The following MACROD2 variants were observed in gnomAD, a reference collection of about 807,000 sequenced individuals.
MACROD2 encodes mono-ADP ribosylhydrolase 2.
Under a neutral mutation model 70.4 loss-of-function variants are expected in MACROD2, and 36 were observed. The observed-to-expected ratio is 0.51, with a 90% CI of 0.39 to 0.68. The LOEUF is 0.68. MACROD2 is among the 30% of genes least tolerant of loss of function. The pLI, the probability that MACROD2 is intolerant of heterozygous loss-of-function variation, is 0.00. For synonymous variants in MACROD2, 172 were observed against 178.8 expected (o/e 0.96, Z 0.30); for missense variants, 496 against 538.4 (o/e 0.92, Z 0.78).
intron 6 of MACROD2, among the ~76,000 whole-genome samples, chr20:15,289,776 A>G (rs2077525334): frequency 6.6e-6 from 1 of 152,224 alleles, no homozygotes; most frequent in African/African-American, 2.4e-5. Context: ...CCCCAGCCTC[A>G]GAGGACTTTC....
intron 5 of MACROD2, chr20:14,894,025 A>G (rs1361425670): frequency 6.6e-6 from 1 of 151,866 alleles, no homozygotes; most frequent in Admixed American, 6.6e-5. Flanking sequence ...AGCTCAAGCA[A>G]TCCTCTTGCC....
chr20:15,233,981 ATT>A lies in MACROD2; in HGVS notation c.540+3922_540+3923del, dbSNP rs547497740. ...AAAAAATTTATTTTTATATATATTT[ATT>A]TATATATATATATATATATATATAT... is the stretch of plus-strand genomic sequence containing the variant. On this transcript the variant is annotated intron_variant, in intron 6 of 17. Coordinates refer to ENST00000684519, the MANE Select transcript of MACROD2 (RefSeq NM_001351661.2). 7.8e-3 allele frequency among the ~76,000 whole-genome samples: 240 copies of A among 30,900 alleles called. 13 individuals carry two copies. Among genetic ancestry groups the A allele is most frequent in the African/African-American group, 0.024 (182 of 7,470 alleles). The allele number at this position is 30,900 out of a possible 152,430, so 20.3% of individuals were successfully genotyped here.
intron 5 of MACROD2, among the ~76,000 whole-genome samples, chr20:15,186,588 T>C (rs1351649468): frequency 6.6e-6 from 1 of 152,194 alleles, no homozygotes; most frequent in African/African-American, 2.4e-5. Context: ...CAATAGTATA[T>C]GTATGAATGC....
intron 12 of MACROD2, among the ~76,000 whole-genome samples, chr20:15,960,200 G>A (rs2066039742): frequency 6.6e-6 from 1 of 152,188 alleles, no homozygotes; most frequent in South Asian, 2.1e-4. Context: ...CTTAGTGTCT[G>A]TTGGTCAAGC....
chr20:15,863,470 TCTC>T (rs1454002800), intron 9 of MACROD2, among the ~76,000 whole-genome samples: 3 of 152,162 alleles, frequency 2.0e-5, no homozygotes, highest in Non-Finnish European at 4.4e-5. Context: ...TTTTCTCCAC[TCTC>T]CCTCTTCCAG....
intron 5 of MACROD2, among the ~76,000 whole-genome samples, chr20:14,776,560 G>T (rs2072236684): frequency 6.6e-6 from 1 of 152,064 alleles, no homozygotes; most frequent in Admixed American, 6.5e-5. Context: ...ATACGGGTCA[G>T]ATTTGTCGCT....
chr20:14,498,684 C>CA (rs2084883668), intron 4 of MACROD2, among the ~76,000 whole-genome samples: 1 of 152,134 alleles, frequency 6.6e-6, no homozygotes, highest in Non-Finnish European at 1.5e-5. Flanking sequence ...ACTAATTTCA[C>CA]AAAAAATCTG....
At chr20:14,407,424 C>G (rs891291406) in intron 3 of MACROD2, among the ~76,000 whole-genome samples, 3 of 152,024 alleles carry the variant, frequency 2.0e-5, no homozygotes. Flanking sequence ...CTCCCACTCT[C>G]TATCTTTTTT....
chr20:15,552,487 T>C (rs2048113053), intron 8 of MACROD2: 1 of 152,258 alleles, frequency 6.6e-6, no homozygotes, highest in African/African-American at 2.4e-5. Flanking sequence ...TTTTTAATGC[T>C]GTATGTGAAG....
At chr20:14,624,385 GATT>G (rs1196891500) in intron 4 of MACROD2, among the ~76,000 whole-genome samples, 5 of 152,130 alleles carry the variant, frequency 3.3e-5, no homozygotes, top group Admixed American at 2.6e-4. Flanking sequence ...TGTCAACTTT[GATT>G]GGGTTTTAGA....
chr20:15,363,654 T>G (rs1408346948), intron 6 of MACROD2, among the ~76,000 whole-genome samples: 4 of 152,164 alleles, frequency 2.6e-5, no homozygotes, highest in African/African-American at 9.7e-5. Context: ...AGCACTGACC[T>G]GCCTGACATG....
chr20:15,040,317 G>GAA (rs11087118), intron 5 of MACROD2, among the ~76,000 whole-genome samples: 29,068 of 140,392 alleles, frequency 0.21, 3,616 homozygotes, highest in African/African-American at 0.34. Flanking sequence ...TCCGTCTCAG[G>GAA]AAAAAAAAAA....
chr20:14,833,439 G>A (rs897054297), intron 5 of MACROD2, among the ~76,000 whole-genome samples: 2 of 152,068 alleles, frequency 1.3e-5, no homozygotes, highest in Non-Finnish European at 2.9e-5. Flanking sequence ...GAGGCACAAA[G>A]TACCCGTGTG....
At chr20:14,675,822 C>T (rs2123571950) in intron 4 of MACROD2, among the ~76,000 whole-genome samples, 1 of 152,042 alleles carries the variant, frequency 6.6e-6, no homozygotes, top group Admixed American at 6.5e-5. Context: ...TGCAAAGACA[C>T]ACATAGGCTC....
At chr20:15,097,833 C>A (rs1415520672) in intron 5 of MACROD2, among the ~76,000 whole-genome samples, 2 of 152,076 alleles carry the variant, frequency 1.3e-5, no homozygotes, top group Non-Finnish European at 2.9e-5. Flanking sequence ...TAATGAAGAT[C>A]AATAAAAGGT....
chr20:15,772,758 G>A (rs2051657320), intron 8 of MACROD2, among the ~76,000 whole-genome samples: 2 of 151,926 alleles, frequency 1.3e-5, no homozygotes, highest in Non-Finnish European at 2.9e-5. Flanking sequence ...TCAAATATTG[G>A]GTGCACCAAA....
intron 5 of MACROD2, among the ~76,000 whole-genome samples, chr20:14,915,591 G>C (rs1231543816): frequency 6.6e-6 from 1 of 152,150 alleles, no homozygotes; most frequent in Non-Finnish European, 1.5e-5. Context: ...TGCTTTGCTT[G>C]CCTCGGCGTC....
chr20:15,105,329 C>G (rs1273565436), intron 5 of MACROD2, among the ~76,000 whole-genome samples: 1 of 152,092 alleles, frequency 6.6e-6, no homozygotes, highest in Non-Finnish European at 1.5e-5. Flanking sequence ...TTTCAATATT[C>G]TGGACAAAAT....
rs150318653 is a variant in MACROD2, at chr20:14,838,520, A to G, written c.418+153561A>G. 4.9e-3 allele frequency among the ~76,000 whole-genome samples: 746 copies of G among 152,246 alleles called. 9 individuals carry two copies. The highest frequency in any genetic ancestry group is 0.015 in the South Asian group (74 of 4,814). The stretch of plus-strand genomic sequence containing the variant: ...TACAAGTAAACATCAATTGAAAATA[A>G]CTTCATAAACATTTCTTAATCACCA... On this transcript the variant is annotated intron_variant, in intron 5 of 17. Coordinates refer to ENST00000684519, the MANE Select transcript of MACROD2 (RefSeq NM_001351661.2).
Sources: allele counts gnomAD v4.1 joint callset (sites outside exome capture counted in the v4.1 genomes callset), GRCh38; gene constraint gnomAD v4.1.1; transcripts MANE v1.5; gene names NCBI Gene and HGNC (gene_info 2026-07-23, HGNC 2026-07-21).